Variants in FSTL4 observed in about 807,000 individuals in gnomAD.
The protein encoded by FSTL4 is follistatin like 4, also known as follistatin-related protein 4.
Under a neutral mutation model 78.2 loss-of-function variants are expected in FSTL4, and 28 were observed. The observed-to-expected ratio is 0.36, with a 90% CI of 0.27 to 0.49. The LOEUF (loss-of-function observed/expected upper bound fraction) is 0.49, where lower values mean the gene tolerates loss of function less well. FSTL4 is among the 20% of genes least tolerant of loss of function. The probability of loss-of-function intolerance (pLI) is 0.98; values close to 1 mark genes in which losing one functional copy is unlikely to be tolerated. For missense variants in FSTL4, 922 were observed against 1,084.9 expected (o/e 0.85, Z 2.11); for synonymous variants, 422 against 440.5 (o/e 0.96, Z 0.53).
chr5:133,748,415 C>CA, the FSTL4 span, among the ~76,000 whole-genome samples: 1 of 151,052 alleles, frequency 6.6e-6, no homozygotes, highest in Non-Finnish European at 1.5e-5. Context: ...ACTAAAAATA[C>CA]AAAAAATTAG....
chr5:133,654,960 A>C, the FSTL4 span, among the ~76,000 whole-genome samples: 2 of 152,142 alleles, frequency 1.3e-5, no homozygotes, highest in African/African-American at 4.8e-5. Context: ...GCTACAACAC[A>C]TCCATGAGTT....
At chr5:133,594,947 G>T (rs1273739036) in intron 2 of FSTL4, among the ~76,000 whole-genome samples, 1 of 152,198 alleles carries the variant, frequency 6.6e-6, no homozygotes, top group East Asian at 1.9e-4. Context: ...GAGTAGTTCT[G>T]CTCCTTTCTG....
the FSTL4 span, among the ~76,000 whole-genome samples, chr5:133,745,052 C>T: frequency 1.3e-5 from 2 of 152,176 alleles, no homozygotes; most frequent in Admixed American, 6.5e-5. Flanking sequence ...GCCTTCTTCC[C>T]GTCTGTGCCA....
chr5:133,453,268 C>T (rs1205517315), intron 3 of FSTL4, among the ~76,000 whole-genome samples: 2 of 152,128 alleles, frequency 1.3e-5, no homozygotes, highest in Non-Finnish European at 2.9e-5. Context: ...TGTAGTTCTT[C>T]ATCATCACCA....
At position 133,438,991 on chromosome 5, in the gene FSTL4, T is replaced by A. The variant is rs538344836; in HGVS notation, c.161-38005A>T. 2.6e-5 allele frequency among the ~76,000 whole-genome samples: 4 copies of A among 152,356 alleles called. No homozygotes were observed. The East Asian group carries it at 7.7e-4, about 29-fold the overall frequency. ...CCACTTTGGTGGAAGTCAGTGTAGG[T>A]AATAAAGCATGTACCTGTGAAGTCA... On this transcript the variant is annotated intron_variant, in intron 3 of 15. Transcript: ENST00000265342.
intron 4 of FSTL4, among the ~76,000 whole-genome samples, chr5:133,353,236 C>T (rs1754868741): frequency 6.6e-6 from 1 of 152,238 alleles, no homozygotes; most frequent in African/African-American, 2.4e-5. Context: ...TTTTGGTTAG[C>T]TCCGTGTTTA....
chr5:133,770,912 G>A, the FSTL4 span, among the ~76,000 whole-genome samples: 2 of 151,556 alleles, frequency 1.3e-5, no homozygotes, highest in Non-Finnish European at 2.9e-5. Context: ...TATGGTGAGA[G>A]GTATGCATCT....
the FSTL4 span, among the ~76,000 whole-genome samples, chr5:133,818,931 C>CTACATATATATATA: frequency 4.9e-5 from 3 of 61,756 alleles, no homozygotes; most frequent in African/African-American, 2.1e-4. Flanking sequence ...TTAGAAGATA[C>CTACATATATATATA]TATATATATA....
At chr5:133,784,557 G>T in the FSTL4 span, among the ~76,000 whole-genome samples, 1 of 152,266 alleles carries the variant, frequency 6.6e-6, no homozygotes, top group South Asian at 2.1e-4. Flanking sequence ...ACTTCTCCAA[G>T]GCCACACACA....
chr5:133,749,279 C>T, the FSTL4 span, among the ~76,000 whole-genome samples: 177 of 152,290 alleles, frequency 1.2e-3, no homozygotes, highest in Middle Eastern at 3.4e-3. Context: ...GGCATGGGTA[C>T]ACTTTCTTGG....
chr5:133,639,425 A>C, the FSTL4 span, among the ~76,000 whole-genome samples: 650 of 152,292 alleles, frequency 4.3e-3, 3 homozygotes, highest in African/African-American at 0.015. Flanking sequence ...TCAAGTGAAC[A>C]AAGAAACTGT....
chr5:133,594,893 G>A (rs1490335062), intron 2 of FSTL4, among the ~76,000 whole-genome samples: 1 of 152,220 alleles, frequency 6.6e-6, no homozygotes, highest in Admixed American at 6.5e-5. Context: ...TGGCATTAAG[G>A]AAAGCCATCA....
chr5:133,393,580 G>A (rs1755912985), intron 4 of FSTL4, among the ~76,000 whole-genome samples: 1 of 152,196 alleles, frequency 6.6e-6, no homozygotes, highest in African/African-American at 2.4e-5. Flanking sequence ...ATGTGGGTAG[G>A]CCCAAAAGTG....
chr5:133,699,606 G>A, the FSTL4 span, among the ~76,000 whole-genome samples: 9 of 152,200 alleles, frequency 5.9e-5, no homozygotes, highest in Non-Finnish European at 2.9e-5. Context: ...CCATGGCCGG[G>A]CGCGGTGGCT....
intron 4 of FSTL4, among the ~76,000 whole-genome samples, chr5:133,358,717 A>T (rs1452321386): frequency 1.3e-5 from 2 of 149,270 alleles, no homozygotes; most frequent in Non-Finnish European, 2.9e-5. Context: ...CTCATGCCTC[A>T]GCCTCCTGAG....
intron 3 of FSTL4, among the ~76,000 whole-genome samples, chr5:133,538,640 T>G (rs1429361865): frequency 6.6e-6 from 1 of 152,212 alleles, no homozygotes; most frequent in African/African-American, 2.4e-5. Context: ...GTCCATCTAC[T>G]TATTTATTCA....
intron 3 of FSTL4, among the ~76,000 whole-genome samples, chr5:133,432,660 G>A (rs1756963705): frequency 1.3e-5 from 2 of 152,160 alleles, no homozygotes; most frequent in African/African-American, 4.8e-5. Context: ...GGATTTGGTG[G>A]TAAACCAAAT....
At chr5:133,672,883 G>T in the FSTL4 span, among the ~76,000 whole-genome samples, 1 of 152,198 alleles carries the variant, frequency 6.6e-6, no homozygotes, top group Admixed American at 6.5e-5. Context: ...ACAGCCTCAG[G>T]AAGTCCTGAC....
intron 3 of FSTL4, among the ~76,000 whole-genome samples, chr5:133,566,179 T>C (rs1014601590): frequency 1.3e-5 from 2 of 152,194 alleles, no homozygotes; most frequent in Non-Finnish European, 2.9e-5. Context: ...TCCAGCACCA[T>C]GGACAGCAGC....
Sources: gnomAD v4.1 joint callset for allele counts (sites outside exome capture counted in the v4.1 genomes callset) on GRCh38, gnomAD v4.1.1 for gene constraint, MANE v1.5 for transcripts, NCBI Gene and HGNC (gene_info 2026-07-23, HGNC 2026-07-21) for gene names.